The following CABCOCO1 variants were observed in gnomAD, a reference collection of about 807,000 sequenced individuals.
The protein encoded by CABCOCO1 is ciliary associated calcium binding coiled-coil 1.
A neutral mutation model predicts 35.7 loss-of-function variants in CABCOCO1; 28 were observed. The ratio of observed to expected loss-of-function variants is 0.78; its 90% CI spans 0.58 to 1.07. The LOEUF (loss-of-function observed/expected upper bound fraction) is 1.07. CABCOCO1 is among the 50% of genes least tolerant of loss of function. The probability of loss-of-function intolerance (pLI) is 0.00; values close to 1 mark genes in which losing one functional copy is unlikely to be tolerated. For missense variants in CABCOCO1, 326 were observed against 309.2 expected, an observed-to-expected ratio of 1.05 and a Z score of -0.41; for synonymous variants, 95 against 100.1, an observed-to-expected ratio of 0.95 and a Z score of 0.30.
intron 5 of CABCOCO1, among the ~76,000 whole-genome samples, chr10:61,704,406 A>T (rs571434436): frequency 6.6e-6 from 1 of 152,236 alleles, no homozygotes; most frequent in East Asian, 1.9e-4. Context: ...TCCTCTCTTG[A>T]TCTCTCTCTT....
At chr10:61,756,739 T>C (rs749737825) in intron 5 of CABCOCO1, among the ~76,000 whole-genome samples, 2 of 152,108 alleles carry the variant, frequency 1.3e-5, no homozygotes, top group Non-Finnish European at 2.9e-5. Flanking sequence ...CTTCCCTTTG[T>C]TTCCTGATCT....
intron 5 of CABCOCO1, among the ~76,000 whole-genome samples, chr10:61,725,142 C>T (rs190713838): frequency 0.018 from 2,798 of 152,186 alleles, 92 homozygotes; most frequent in African/African-American, 0.064. Context: ...GAAATAGGAA[C>T]GCTTTTACAC....
chr10:61,680,682 TACATGTATAACATATATATGTTATAC>T (rs1564532779), intron 2 of CABCOCO1, among the ~76,000 whole-genome samples: 2 of 97,472 alleles, frequency 2.1e-5, no homozygotes, highest in Non-Finnish European at 4.0e-5. Flanking sequence ...ATATATGTTA[TACATGTATAACATATATATGTTATAC>T]ATGTATAACA....
intron 4 of CABCOCO1, 79 bp from the exon 5 acceptor site, chr10:61,690,470 C>T: frequency 7.5e-6 from 7 of 933,800 alleles, no homozygotes; most frequent in African/African-American, 1.7e-5. Flanking sequence ...ATGAAGTTTC[C>T]TTTAATAAAT....
intron 5 of CABCOCO1, among the ~76,000 whole-genome samples, chr10:61,717,901 T>C (rs889621442): frequency 7.2e-5 from 11 of 152,166 alleles, no homozygotes; most frequent in African/African-American, 2.7e-4. Context: ...ACAAGAATGA[T>C]TGTAATATTT....
At chr10:61,665,719 T>C (rs12245692) in intron 1 of CABCOCO1, among the ~76,000 whole-genome samples, 114,862 of 150,606 alleles carry the variant, frequency 0.76, 44,674 homozygotes, top group Middle Eastern at 0.94. Context: ...AACCCCGTCT[T>C]TACTAAAAAT....
chr10:61,713,979 G>T (rs930318599), intron 5 of CABCOCO1, among the ~76,000 whole-genome samples: 16 of 151,830 alleles, frequency 1.1e-4, no homozygotes, highest in Non-Finnish European at 1.6e-4. Context: ...TCTTTTTTTT[G>T]TTGTGTCTCT....
intron 5 of CABCOCO1, among the ~76,000 whole-genome samples, chr10:61,721,343 T>G (rs1841015676): frequency 6.6e-6 from 1 of 152,140 alleles, no homozygotes; most frequent in Non-Finnish European, 1.5e-5. Flanking sequence ...AAGAAGCTTC[T>G]GAAGCCCGTT....
intron 5 of CABCOCO1, among the ~76,000 whole-genome samples, chr10:61,696,625 G>T (rs1589127673): frequency 6.6e-6 from 1 of 152,050 alleles, no homozygotes; most frequent in South Asian, 2.1e-4. Context: ...AGCCTCCCAT[G>T]TAGCTGGGAC....
chr10:61,751,010 AG>A (rs1841769804), intron 5 of CABCOCO1, among the ~76,000 whole-genome samples: 1 of 152,138 alleles, frequency 6.6e-6, no homozygotes, highest in Non-Finnish European at 1.5e-5. Flanking sequence ...TGAATAAGCA[AG>A]ATACTCTGCG....
At chr10:61,712,558 T>C (rs1840757197) in intron 5 of CABCOCO1, among the ~76,000 whole-genome samples, 1 of 152,214 alleles carries the variant, frequency 6.6e-6, no homozygotes, top group African/African-American at 2.4e-5. Context: ...CTTTTGGTGT[T>C]TTAGTCATGA....
At chr10:61,755,468 A>C (rs1303328655) in intron 5 of CABCOCO1, among the ~76,000 whole-genome samples, 1 of 152,096 alleles carries the variant, frequency 6.6e-6, no homozygotes, top group Admixed American at 6.6e-5. Flanking sequence ...AAACTTTGAC[A>C]TTTTATACTA....
intron 7 of CABCOCO1, among the ~76,000 whole-genome samples, chr10:61,762,204 ACAG>A (rs2132095944): frequency 6.6e-6 from 1 of 152,250 alleles, no homozygotes; most frequent in East Asian, 1.9e-4. Context: ...GAACTACCAG[ACAG>A]TAACTGAATT....
At chr10:61,733,658 T>A (rs538141901) in intron 5 of CABCOCO1, among the ~76,000 whole-genome samples, 4 of 152,100 alleles carry the variant, frequency 2.6e-5, no homozygotes, top group African/African-American at 4.8e-5. Context: ...ATTTTTTTCC[T>A]TTGCAACTAG....
chr10:61,675,544 A>C lies in CABCOCO1; in HGVS notation c.164+2809A>C, dbSNP rs144024073. 4.6e-5 allele frequency among the ~76,000 whole-genome samples: 7 copies of C among 152,334 alleles called. No individual in the cohort carries two copies. The East Asian group carries it at 1.3e-3, about 29-fold the overall frequency. On this transcript the variant is annotated intron_variant, in intron 2 of 7. Coordinates refer to ENST00000648843, the MANE Select transcript of CABCOCO1 (RefSeq NM_001366906.2). ...GTCATTCAAACACAACTAAACATTGAAAAGTAAAAATAAAAAGCAAAGAAC... is the reference window on the plus strand; with the variant it reads ...GTCATTCAAACACAACTAAACATTGCAAAGTAAAAATAAAAAGCAAAGAAC...
intron 5 of CABCOCO1, among the ~76,000 whole-genome samples, chr10:61,738,386 T>A (rs919367352): frequency 2.0e-5 from 3 of 152,184 alleles, no homozygotes; most frequent in Admixed American, 6.6e-5. Flanking sequence ...GAAGGCAAGA[T>A]AAAATACTGT....
chr10:61,745,726 T>C (rs1305732873), intron 5 of CABCOCO1, among the ~76,000 whole-genome samples: 1 of 152,214 alleles, frequency 6.6e-6, no homozygotes, highest in African/African-American at 2.4e-5. Flanking sequence ...ACGTGTGATG[T>C]GCTGCAGCAT....
At chr10:61,712,266 G>A (rs1229772750) in intron 5 of CABCOCO1, among the ~76,000 whole-genome samples, 3 of 152,192 alleles carry the variant, frequency 2.0e-5, no homozygotes, top group Non-Finnish European at 4.4e-5. Flanking sequence ...CAGTGATGAT[G>A]AGCATTTTTT....
At chr10:61,760,812 C>T (rs2044170068) in intron 6 of CABCOCO1, 51 bp from the exon 7 acceptor site, 3 of 1,545,014 alleles carry the variant, frequency 1.9e-6, no homozygotes, top group Non-Finnish European at 2.6e-6. Flanking sequence ...CCATATAAAT[C>T]ACCGAATGCT....
Sources: gnomAD v4.1 joint callset for allele counts (sites outside exome capture counted in the v4.1 genomes callset) on GRCh38, gnomAD v4.1.1 for gene constraint, MANE v1.5 for transcripts, NCBI Gene and HGNC (gene_info 2026-07-23, HGNC 2026-07-21) for gene names.